The following ZKSCAN7 variants were observed in gnomAD, a reference collection of about 807,000 sequenced individuals.
ZKSCAN7 encodes the protein zinc finger with KRAB and SCAN domains 7, also known as zinc finger protein with KRAB and SCAN domains 7.
In ZKSCAN7, 38 loss-of-function variants were observed where a neutral mutation model predicts 65.3. The ratio of observed to expected loss-of-function variants is 0.58; its 90% CI spans 0.45 to 0.76. ZKSCAN7 has a LOEUF of 0.76. ZKSCAN7 is among the 30% of genes least tolerant of loss of function. ZKSCAN7 has a pLI of 0.00. For synonymous variants in ZKSCAN7, 321 were observed against 321.0 expected (o/e 1.00, Z 0.00); for missense variants, 815 against 913.3 (o/e 0.89, Z 1.39).
chr3:44,564,812 T>A (rs13076149), intron 2 of ZKSCAN7, among the ~76,000 whole-genome samples: 1 of 152,200 alleles, frequency 6.6e-6, no homozygotes, highest in Non-Finnish European at 1.5e-5. Flanking sequence ...TGTTTTTGTT[T>A]TTTTTTGAGA....
intron 3 of ZKSCAN7, among the ~76,000 whole-genome samples, chr3:44,567,649 A>G (rs1337226148): frequency 1.3e-5 from 2 of 152,088 alleles, no homozygotes; most frequent in African/African-American, 4.8e-5. Flanking sequence ...TGGGAGAGAG[A>G]GTGGCCAGAA....
intron 2 of ZKSCAN7, among the ~76,000 whole-genome samples, chr3:44,563,440 G>A (rs1041421825): frequency 6.6e-6 from 1 of 152,104 alleles, no homozygotes; most frequent in Non-Finnish European, 1.5e-5. Context: ...AGGTTCAGTC[G>A]ACTCACAGTT....
chr3:44,582,701 C>T (rs561320341), intron 5 of ZKSCAN7, among the ~76,000 whole-genome samples: 155 of 152,268 alleles, frequency 1.0e-3, no homozygotes, highest in African/African-American at 3.5e-3. Flanking sequence ...CTATTTTTAA[C>T]ATATATTCTA....
rs977758291 is a variant in ZKSCAN7, at chr3:44,580,042, G to A, written c.812-2930G>A. On this transcript the variant is annotated intron_variant, in intron 5 of 5. Transcript: ENST00000341840. ...GCCCTTTTCTCGCTGCGGCCCTGGCGTGTGTCACTGGATGGCGAGGGCCCC... is the reference window on the plus strand; with the variant it reads ...GCCCTTTTCTCGCTGCGGCCCTGGCATGTGTCACTGGATGGCGAGGGCCCC... 8.6e-5 allele frequency: 135 copies of A among 1,577,610 alleles called. 1 individual carries two copies. The highest frequency in any genetic ancestry group is 6.8e-4 in the South Asian group (61 of 90,234).
intron 5 of ZKSCAN7, 66 bp from the exon 6 acceptor site, chr3:44,569,856 T>TA: frequency 1.4e-6 from 2 of 1,477,704 alleles, no homozygotes; most frequent in Non-Finnish European, 1.8e-6. Flanking sequence ...TGTTAGCTCT[T>TA]AATGATTCTC....
chr3:44,580,214 T>G lies in ZKSCAN7; in HGVS notation c.812-2758T>G. The stretch of plus-strand genomic sequence containing the variant: ...GCTGTTCTTCGGCCTTCAAGTCGTG[T>G]TTGGTCTTCTCCAGAGAGAAGTAGC... On this transcript the variant is annotated intron_variant, in intron 5 of 5. Coordinates refer to the ZKSCAN7 transcript ENST00000341840. 6.2e-6 allele frequency: 10 copies of G among 1,610,844 alleles called. No individual in the cohort carries two copies. In the South Asian group the frequency reaches 7.7e-5, roughly 12 times the overall value.
At chr3:44,558,120 C>T (rs1036799974) in intron 2 of ZKSCAN7, among the ~76,000 whole-genome samples, 1 of 152,056 alleles carries the variant, frequency 6.6e-6, no homozygotes, top group South Asian at 2.1e-4. Context: ...TAGCTCTGTG[C>T]CCATGTGTTT....
intron 1 of ZKSCAN7, among the ~76,000 whole-genome samples, chr3:44,556,122 C>T (rs530037990): frequency 3.9e-5 from 6 of 152,246 alleles, no homozygotes; most frequent in African/African-American, 1.4e-4. Flanking sequence ...GGAAGGCTTT[C>T]TAGGGGAGGT....
chr3:44,580,740 C>A, intron 5 of ZKSCAN7: 1 of 1,613,908 alleles, frequency 6.2e-7, no homozygotes, highest in Non-Finnish European at 8.5e-7. Flanking sequence ...GTTGATGGTG[C>A]CCTGAGGAAG....
At chr3:44,579,983 G>GA (rs1194173568) in intron 5 of ZKSCAN7, 38 of 1,573,798 alleles carry the variant, frequency 2.4e-5, no homozygotes, top group Non-Finnish European at 2.9e-5. Context: ...CTTGGGGGGG[G>GA]GCTTCATTGG....
chr3:44,581,981 G>T (rs1381714416), intron 5 of ZKSCAN7, among the ~76,000 whole-genome samples: 1 of 152,190 alleles, frequency 6.6e-6, no homozygotes, highest in Non-Finnish European at 1.5e-5. Flanking sequence ...TTAGGGACAG[G>T]TTGTGAATTT....
At chr3:44,565,982 G>A (rs1699620639) in intron 3 of ZKSCAN7, among the ~76,000 whole-genome samples, 4 of 152,174 alleles carry the variant, frequency 2.6e-5, no homozygotes, top group Admixed American at 1.3e-4. Flanking sequence ...CTCATAAGAT[G>A]CACATGAATG....
At chr3:44,576,573 C>A (rs1699927737), downstream of ZKSCAN7, among the ~76,000 whole-genome samples, 1 of 152,120 alleles carries the variant, frequency 6.6e-6, no homozygotes, top group South Asian at 2.1e-4. Flanking sequence ...ATTGCCTTCA[C>A]ATACATTTGC....
intron 5 of ZKSCAN7, chr3:44,580,078 T>G: frequency 6.2e-7 from 1 of 1,603,294 alleles, no homozygotes; most frequent in Non-Finnish European, 8.5e-7. Context: ...ACTGCATTGG[T>G]CTCCATGTGC....
At chr3:44,572,168 T>A (rs943182081), downstream of ZKSCAN7, 4 of 985,318 alleles carry the variant, frequency 4.1e-6, no homozygotes, top group African/African-American at 7.0e-5. Context: ...AGCTCTCACA[T>A]TGAATTATCC....
chr3:44,580,500 G>A, intron 5 of ZKSCAN7: 1 of 1,609,556 alleles, frequency 6.2e-7, no homozygotes, highest in Non-Finnish European at 8.5e-7. Context: ...GGTGGTAACA[G>A]CCACCTTGGC....
intron 2 of ZKSCAN7, among the ~76,000 whole-genome samples, chr3:44,563,294 C>G (rs754687838): frequency 9.2e-5 from 14 of 152,186 alleles, no homozygotes; most frequent in Non-Finnish European, 1.8e-4. Flanking sequence ...ACCTGTTACC[C>G]AGTTCCAAAG....
chr3:44,581,207 C>A (rs1700076984), intron 5 of ZKSCAN7, among the ~76,000 whole-genome samples: 1 of 147,024 alleles, frequency 6.8e-6, no homozygotes, highest in Non-Finnish European at 1.5e-5. Context: ...GGCCTCACAG[C>A]GCGCGCGACG....
intron 5 of ZKSCAN7, among the ~76,000 whole-genome samples, chr3:44,568,857 G>A (rs528304742): frequency 4.5e-4 from 68 of 152,296 alleles, no homozygotes; most frequent in African/African-American, 1.6e-3. Flanking sequence ...GCAGCTGCTC[G>A]CAGTGTATCT....
Sources: gnomAD v4.1 joint callset for allele counts (sites outside exome capture counted in the v4.1 genomes callset) on GRCh38, gnomAD v4.1.1 for gene constraint, MANE v1.5 for transcripts, NCBI Gene and HGNC (gene_info 2026-07-23, HGNC 2026-07-21) for gene names.